COL5A2: variants seen among roughly 807,000 people sequenced by gnomAD.
COL5A2 encodes collagen type V alpha 2 chain.
A neutral mutation model predicts 208.2 loss-of-function variants in COL5A2; 23 were observed. The observed-to-expected ratio is 0.11, with a 90% CI of 0.08 to 0.16. The LOEUF (loss-of-function observed/expected upper bound fraction) is 0.16, where lower values mean the gene tolerates loss of function less well. COL5A2 is among the 10% of genes least tolerant of loss of function. COL5A2 has a pLI of 1.00. For synonymous variants in COL5A2, 625 were observed against 628.5 expected (o/e 0.99, Z 0.08); for missense variants, 1,590 against 1,956.4 (o/e 0.81, Z 3.53).
At chr2:189,380,255 C>A in the COL5A2 span, among the ~76,000 whole-genome samples, 35 of 151,918 alleles carry the variant, frequency 2.3e-4, no homozygotes, top group Non-Finnish European at 4.9e-4. Context: ...CATCTAATCT[C>A]CCTTATTTGG....
intron 1 of COL5A2, among the ~76,000 whole-genome samples, chr2:189,122,029 T>C (rs1411969439): frequency 6.6e-6 from 1 of 152,194 alleles, no homozygotes; most frequent in Non-Finnish European, 1.5e-5. Context: ...TGCCTGACTA[T>C]ATACCATGGA....
At chr2:189,131,334 T>C (rs1204833630) in intron 1 of COL5A2, among the ~76,000 whole-genome samples, 1 of 152,156 alleles carries the variant, frequency 6.6e-6, no homozygotes, top group African/African-American at 2.4e-5. Context: ...GCCTAGGTAA[T>C]TTCCCAGCAA....
At chr2:189,073,701 T>G (rs1212253580) in intron 17 of COL5A2, among the ~76,000 whole-genome samples, 2 of 152,192 alleles carry the variant, frequency 1.3e-5, no homozygotes, top group Non-Finnish European at 2.9e-5. Flanking sequence ...CTAGATATCA[T>G]TACATCTTCC....
the COL5A2 span, among the ~76,000 whole-genome samples, chr2:189,324,918 A>C: frequency 6.6e-6 from 1 of 152,192 alleles, no homozygotes; most frequent in Non-Finnish European, 1.5e-5. Flanking sequence ...GAACCAACCC[A>C]AATGTCCAAC....
At chr2:189,415,331 T>G in the COL5A2 span, among the ~76,000 whole-genome samples, 2 of 152,210 alleles carry the variant, frequency 1.3e-5, no homozygotes, top group African/African-American at 4.8e-5. Context: ...TTTATAATTT[T>G]GAATTTTCTT....
At chr2:189,415,018 A>C in the COL5A2 span, among the ~76,000 whole-genome samples, 68 of 152,254 alleles carry the variant, frequency 4.5e-4, 1 homozygote, top group African/African-American at 1.6e-3. Flanking sequence ...AGCATTAGTG[A>C]ACTATAGTGG....
intron 8 of COL5A2, among the ~76,000 whole-genome samples, chr2:189,087,387 C>T (rs987643458): frequency 6.6e-6 from 1 of 151,968 alleles, no homozygotes; most frequent in South Asian, 2.1e-4. Flanking sequence ...GATTTTAGAA[C>T]ATTTATTATT....
intron 1 of COL5A2, among the ~76,000 whole-genome samples, chr2:189,216,825 TATACTCA>T (rs1689284992): frequency 2.0e-5 from 3 of 152,198 alleles, no homozygotes; most frequent in African/African-American, 7.2e-5. Flanking sequence ...ACACATTGTG[TATACTCA>T]ATAATGTATG....
chr2:189,251,859 C>T, the COL5A2 span, among the ~76,000 whole-genome samples: 12 of 152,106 alleles, frequency 7.9e-5, no homozygotes, highest in Admixed American at 3.9e-4. Flanking sequence ...GCAATCTACT[C>T]ATCTGACAAA....
At chr2:189,048,164 G>A in intron 45 of COL5A2, 45 bp downstream of exon 45, 1 of 1,569,314 alleles carries the variant, frequency 6.4e-7, no homozygotes, top group South Asian at 1.1e-5. Flanking sequence ...AAAGATTTCA[G>A]ATTTGCATGA....
chr2:189,410,348 T>C, the COL5A2 span, among the ~76,000 whole-genome samples: 90 of 152,242 alleles, frequency 5.9e-4, 1 homozygote, highest in African/African-American at 1.8e-3. Flanking sequence ...GTTGGGAGGA[T>C]TGCTCAAGGC....
At chr2:189,248,102 T>A in the COL5A2 span, among the ~76,000 whole-genome samples, 6,253 of 152,322 alleles carry the variant, frequency 0.041, 212 homozygotes, top group Non-Finnish European at 0.065. Context: ...TACTACTAGC[T>A]CTAAAATATT....
At chr2:189,326,629 G>A in the COL5A2 span, among the ~76,000 whole-genome samples, 4 of 151,912 alleles carry the variant, frequency 2.6e-5, no homozygotes, top group Non-Finnish European at 4.4e-5. Flanking sequence ...GACATTCAAT[G>A]TTACAGTAAG....
chr2:189,108,025 A>G (rs1226675893), intron 2 of COL5A2, among the ~76,000 whole-genome samples: 1 of 151,686 alleles, frequency 6.6e-6, no homozygotes, highest in African/African-American at 2.4e-5. Context: ...TCAGGTTTGA[A>G]TGATATTATC....
chr2:189,146,022 T>C (rs1028347885), intron 1 of COL5A2, among the ~76,000 whole-genome samples: 3 of 152,108 alleles, frequency 2.0e-5, no homozygotes, highest in South Asian at 4.1e-4. Flanking sequence ...TTACATGCAA[T>C]TTAACTGAAA....
chr2:189,190,077 GAAAACCAAAGGC>G lies in COL5A2; in HGVS notation c.-42+35059_-42+35070del, dbSNP rs1273062484. Among the ~76,000 whole-genome samples, 49 of 152,226 alleles carry G rather than the reference GAAAACCAAAGGC, an allele frequency of 3.2e-4. 1 individual carries two copies. The highest frequency in any genetic ancestry group is 1.2e-3 in the African/African-American group (48 of 41,534). ...AGTCCTTCTTGACACCCAAAGGTAA[GAAAACCAAAGGC>G]CCTGTGAACACTTCCTACAAAAAAG... On this transcript the variant is annotated intron_variant, in intron 1 of 10. Transcript: ENST00000649966.
In COL5A2 at chr2:189,068,852, A is replaced by T; in HGVS notation, c.1191T>A (p.Pro397=). 1.9e-6 allele frequency: 3 copies of T among 1,612,876 alleles called. No individual in the cohort carries two copies. Among genetic ancestry groups the T allele is most frequent in the Non-Finnish European group, 2.5e-6 (3 of 1,179,774 alleles). Residue 397 remains proline, a synonymous_variant, in exon 19 of 54, where the codon CCT becomes CCA. Coordinates refer to ENST00000374866, the MANE Select transcript of COL5A2 (RefSeq NM_000393.5). ...GEAGPTGARG[P]EGPQGQRGET... ...CACCTCTCTGCCCCTGAGGACCTTC[A>T]GGGCCTCGCGCCCCTGTAGGACCTG...
At chr2:189,439,002 T>C in the COL5A2 span, among the ~76,000 whole-genome samples, 6 of 152,254 alleles carry the variant, frequency 3.9e-5, no homozygotes, top group Admixed American at 2.0e-4. Flanking sequence ...ATCTTGAACA[T>C]GGAAAGGAAT....
intron 1 of COL5A2, among the ~76,000 whole-genome samples, chr2:189,185,930 G>T (rs1250857487): frequency 6.6e-6 from 1 of 152,134 alleles, no homozygotes; most frequent in East Asian, 1.9e-4. Flanking sequence ...GCAAGGAGGA[G>T]AAACTAGTAA....
Sources: gnomAD v4.1 joint callset for allele counts (sites outside exome capture counted in the v4.1 genomes callset) on GRCh38, gnomAD v4.1.1 for gene constraint, MANE v1.5 for transcripts, NCBI Gene and HGNC (gene_info 2026-07-23, HGNC 2026-07-21) for gene names.